The following SYNPO variants were observed in gnomAD, a reference collection of about 807,000 sequenced individuals.
SYNPO encodes synaptopodin.
A neutral mutation model predicts 49.5 loss-of-function variants in SYNPO; 19 were observed. That is an observed-to-expected ratio of 0.38 (90% CI 0.27 to 0.56). The LOEUF is 0.56. Ranked by LOEUF, SYNPO falls within the 20% of genes least tolerant of loss-of-function variation. The pLI, the probability that SYNPO is intolerant of heterozygous loss-of-function variation, is 0.68. For missense variants in SYNPO, 1,131 were observed against 1,248.3 expected, an observed-to-expected ratio of 0.91 and a Z score of 1.42; for synonymous variants, 536 against 548.0, an observed-to-expected ratio of 0.98 and a Z score of 0.31.
At chr5:150,645,706 T>C (rs1054976080) in intron 1 of SYNPO, among the ~76,000 whole-genome samples, 5 of 152,212 alleles carry the variant, frequency 3.3e-5, no homozygotes, top group African/African-American at 1.2e-4. Flanking sequence ...AGAACAGTTC[T>C]GACTCCAGCT....
At chr5:150,588,551 G>C in the SYNPO span, among the ~76,000 whole-genome samples, 1 of 152,154 alleles carries the variant, frequency 6.6e-6, no homozygotes, top group Non-Finnish European at 1.5e-5. Context: ...GAGCATCTCA[G>C]AGCCCCAGAC....
chr5:150,634,615 T>C (rs186098320), intron 2 of SYNPO, among the ~76,000 whole-genome samples: 4 of 152,102 alleles, frequency 2.6e-5, no homozygotes, highest in Admixed American at 2.6e-4. Flanking sequence ...GCCCAGGAGT[T>C]TGAGACCAGC....
At chr5:150,602,997 G>GGGGGGGTGTGT (rs1554106602) in intron 1 of SYNPO, among the ~76,000 whole-genome samples, 7 of 131,184 alleles carry the variant, frequency 5.3e-5, no homozygotes, top group African/African-American at 2.1e-4. Flanking sequence ...GCCACCTTAG[G>GGGGGGGTGTGT]GTGTGTGTGT....
chr5:150,636,107 ATC>A (rs1396686636), upstream of SYNPO, among the ~76,000 whole-genome samples: 2 of 152,086 alleles, frequency 1.3e-5, no homozygotes, highest in African/African-American at 4.8e-5. Context: ...AGAGATTTTA[ATC>A]TGTTTCCCTT....
chr5:150,625,046 C>A, intron 2 of SYNPO: 1 of 886,968 alleles, frequency 1.1e-6, no homozygotes, highest in Non-Finnish European at 1.4e-6. Context: ...TGACCTTGGC[C>A]AAGTCGCTTC....
chr5:150,617,281 G>A (rs993872987), intron 1 of SYNPO, among the ~76,000 whole-genome samples: 1 of 151,474 alleles, frequency 6.6e-6, no homozygotes, highest in Non-Finnish European at 1.5e-5. Flanking sequence ...GAAACTGAAA[G>A]CACACCACTG....
intron 2 of SYNPO, among the ~76,000 whole-genome samples, chr5:150,625,443 C>A (rs564496652): frequency 3.0e-4 from 46 of 152,296 alleles, no homozygotes; most frequent in African/African-American, 1.0e-3. Flanking sequence ...TCTGGCTGTG[C>A]CGGTGGGGCA....
chr5:150,611,817 T>C (rs1181246247), intron 1 of SYNPO, among the ~76,000 whole-genome samples: 14 of 152,196 alleles, frequency 9.2e-5, no homozygotes, highest in Admixed American at 9.2e-4. Flanking sequence ...ACACTGGAAA[T>C]GGGCAAGGCC....
At chr5:150,591,289 G>T in the SYNPO span, among the ~76,000 whole-genome samples, 3 of 152,236 alleles carry the variant, frequency 2.0e-5, no homozygotes, top group Non-Finnish European at 4.4e-5. Context: ...GCCCGGGACG[G>T]GGAGGCTGTT....
chr5:150,624,174 G>A (rs1309715956), intron 2 of SYNPO, among the ~76,000 whole-genome samples: 4 of 152,262 alleles, frequency 2.6e-5, no homozygotes, highest in Non-Finnish European at 2.9e-5. Context: ...ATGGCAGCAG[G>A]TGGGTGGGGA....
At chr5:150,589,220 C>T in the SYNPO span, among the ~76,000 whole-genome samples, 1 of 152,040 alleles carries the variant, frequency 6.6e-6, no homozygotes, top group Non-Finnish European at 1.5e-5. Context: ...CGCCACCACA[C>T]CCAGCTAATT....
chr5:150,656,404 G>C lies in SYNPO; in HGVS notation c.2029G>C (p.Asp677His). ...CCCACCCTCTCTGCTCTCTCCCCAG[G>C]ACCGCCGGGAGAGCCTGCCCACCTC... is the stretch of plus-strand genomic sequence containing the variant. Reference protein sequence around the residue: ...STRNAGIEAQDRRESLPTSPP... With the variant: ...STRNAGIEAQHRRESLPTSPP... Residue 677 changes from aspartate to histidine, a missense_variant and splice_region_variant, in exon 3 of 3, where the codon GAC (aspartate) becomes CAC (histidine). This residue lies in a region of SYNPO where 509 missense variants were observed against 484.5 expected (regional missense o/e 1.05). Coordinates refer to ENST00000307662, the MANE Select transcript of SYNPO (RefSeq NM_007286.6). The C allele has an allele frequency of 6.5e-7, 1 of 1,528,314 alleles. No homozygotes were observed. Among genetic ancestry groups the C allele is most frequent in the Non-Finnish European group, 8.7e-7 (1 of 1,143,594 alleles). 94.7% of individuals were successfully genotyped at this position (1,528,314 alleles called of 1,614,324 possible).
At chr5:150,603,531 T>C (rs545653045) in intron 1 of SYNPO, among the ~76,000 whole-genome samples, 2 of 152,404 alleles carry the variant, frequency 1.3e-5, no homozygotes, top group South Asian at 2.1e-4. Context: ...TGGATATTCA[T>C]TGGTGATTTG....
intron 1 of SYNPO, among the ~76,000 whole-genome samples, chr5:150,609,494 C>G (rs1756784984): frequency 6.6e-6 from 1 of 152,104 alleles, no homozygotes; most frequent in South Asian, 2.1e-4. Context: ...GGGGTTTCAC[C>G]ATGTTGGCCA....
intron 2 of SYNPO, among the ~76,000 whole-genome samples, chr5:150,626,835 G>C (rs561576450): frequency 6.6e-6 from 1 of 152,286 alleles, no homozygotes; most frequent in East Asian, 1.9e-4. Context: ...CTCTCCTTGG[G>C]AAAGAGCACA....
At chr5:150,596,688 C>A (rs999416940), upstream of SYNPO, among the ~76,000 whole-genome samples, 2 of 152,110 alleles carry the variant, frequency 1.3e-5, no homozygotes, top group Non-Finnish European at 2.9e-5. Context: ...CCTCCCACAG[C>A]CCAGGGTACC....
intron 1 of SYNPO, among the ~76,000 whole-genome samples, chr5:150,615,536 T>G (rs1756962190): frequency 6.6e-6 from 1 of 152,200 alleles, no homozygotes; most frequent in Non-Finnish European, 1.5e-5. Context: ...ATGCCACAGT[T>G]GGACGGATCC....
At chr5:150,592,048 C>T in the SYNPO span, among the ~76,000 whole-genome samples, 1 of 152,054 alleles carries the variant, frequency 6.6e-6, no homozygotes, top group Non-Finnish European at 1.5e-5. Context: ...GCCTATAATC[C>T]CAGCTACTCG....
chr5:150,657,049 C>G lies in SYNPO; in HGVS notation c.2674C>G (p.Arg892Gly), dbSNP rs1758598892. 1.3e-6 allele frequency: 2 copies of G among 1,598,680 alleles called. No homozygotes were observed. Among genetic ancestry groups the G allele is most frequent in the Non-Finnish European group, 1.7e-6 (2 of 1,173,794 alleles). Residue 892 changes from arginine (R) to glycine (G), a missense_variant, in exon 3 of 3, where the codon CGT (arginine) becomes GGT (glycine). Arg to Gly is a moderately radical substitution (Grantham distance 125, BLOSUM62 -2). Transcript: ENST00000307662. ...GTGGAATGGCAGCCTTCGGCTCAAGCGTGGCAGCCTCCCCGCCGAGGCCTC... is the reference window on the plus strand; with the variant it reads ...GTGGAATGGCAGCCTTCGGCTCAAGGGTGGCAGCCTCCCCGCCGAGGCCTC... The part of the protein sequence containing the change: ...RGWNGSLRLK[R>G]GSLPAEASCT...
Sources: allele counts gnomAD v4.1 joint callset (sites outside exome capture counted in the v4.1 genomes callset), GRCh38; gene constraint gnomAD v4.1.1; regional missense constraint gnomAD v4.1.1; transcripts MANE v1.5; gene names NCBI Gene and HGNC (gene_info 2026-07-23, HGNC 2026-07-21).